The following GNG2 variants were observed in gnomAD, a reference collection of about 807,000 sequenced individuals.
The protein encoded by GNG2 is G protein subunit gamma 2, also known as guanine nucleotide-binding protein G(I)/G(S)/G(O) subunit gamma-2.
GNG2 carries 5 observed loss-of-function variants against 5.5 expected under a neutral mutation model. That is an observed-to-expected ratio of 0.91 (90% CI 0.48 to 1.92). The LOEUF (loss-of-function observed/expected upper bound fraction) is 1.92, where lower values mean the gene tolerates loss of function less well. Ranked by LOEUF, GNG2 falls within the 30% of genes most tolerant of loss-of-function variation. The probability of loss-of-function intolerance (pLI) is 0.01; values close to 1 mark genes in which losing one functional copy is unlikely to be tolerated. For synonymous variants in GNG2, 28 were observed against 32.0 expected, an observed-to-expected ratio of 0.88 and a Z score of 0.42; for missense variants, 55 against 88.4, an observed-to-expected ratio of 0.62 and a Z score of 1.52.
Position 51,965,404 on chromosome 14 carries a change from C to A in GNG2, c.88-1155C>A, listed in dbSNP as rs563775283. On this transcript the variant is annotated intron_variant, in intron 3 of 3. Coordinates refer to ENST00000556766, the MANE Select transcript of GNG2 (RefSeq NM_053064.5). Reference sequence around the variant, plus strand: ...TCCCCAGGTTGATCATTTACCTAGTCCCCAGATGTAGCTATAGATGACTTT... The same window carrying A: ...TCCCCAGGTTGATCATTTACCTAGTACCCAGATGTAGCTATAGATGACTTT... Among the ~76,000 whole-genome samples, 39 of 152,206 alleles carry A rather than the reference C, an allele frequency of 2.6e-4. No homozygotes were observed. The Middle Eastern group carries it at 0.014, about 53-fold the overall frequency.
At position 51,969,147 on chromosome 14, in the gene GNG2, T is replaced by C. The variant is rs1331870189; in HGVS notation, c.*2460T>C. Reference sequence around the variant, plus strand: ...ACCAGCATAATTTTATCTTAAGGAATAACTAATAGGAAAAGTCAGCTTAAT... The same window carrying C: ...ACCAGCATAATTTTATCTTAAGGAACAACTAATAGGAAAAGTCAGCTTAAT... On this transcript the variant is annotated 3_prime_UTR_variant, in exon 4 of 4. Coordinates refer to ENST00000556766, the MANE Select transcript of GNG2 (RefSeq NM_053064.5). 3.3e-5 allele frequency: 5 copies of C among 152,192 alleles called. No homozygotes were observed. Among genetic ancestry groups the C allele is most frequent in the Non-Finnish European group, 5.9e-5 (4 of 68,030 alleles). The allele number at this position is 152,192 out of a possible 1,614,324, so 9.4% of individuals were successfully genotyped here.
intron 2 of GNG2, among the ~76,000 whole-genome samples, chr14:51,902,752 G>A (rs184591322): frequency 7.9e-5 from 12 of 152,198 alleles, no homozygotes; most frequent in Admixed American, 5.2e-4. Context: ...AATTAGCCGG[G>A]CAGTGCACAA....
intron 2 of GNG2, among the ~76,000 whole-genome samples, chr14:51,830,981 C>T (rs1351780423): frequency 1.3e-5 from 2 of 152,168 alleles, no homozygotes; most frequent in African/African-American, 4.8e-5. Context: ...TTCTGTCCTG[C>T]CTCTCTCTCC....
At chr14:51,901,001 A>AT (rs1885513882) in intron 2 of GNG2, among the ~76,000 whole-genome samples, 1 of 152,220 alleles carries the variant, frequency 6.6e-6, no homozygotes, top group African/African-American at 2.4e-5. Context: ...CATCTAAAAT[A>AT]TTTGAGAATG....
chr14:51,869,375 A>G (rs1883151089), intron 1 of GNG2, among the ~76,000 whole-genome samples: 1 of 152,158 alleles, frequency 6.6e-6, no homozygotes, highest in Non-Finnish European at 1.5e-5. Flanking sequence ...AGCAACCTGG[A>G]TTCTTCCCTT....
chr14:51,886,777 G>T (rs953682331), intron 2 of GNG2, among the ~76,000 whole-genome samples: 1 of 152,110 alleles, frequency 6.6e-6, no homozygotes, highest in Non-Finnish European at 1.5e-5. Flanking sequence ...TATTCTGATC[G>T]CCTGCTCATG....
At chr14:51,894,091 T>G (rs1426607295) in intron 2 of GNG2, among the ~76,000 whole-genome samples, 1 of 152,118 alleles carries the variant, frequency 6.6e-6, no homozygotes, top group African/African-American at 2.4e-5. Context: ...CATATAAAAT[T>G]TAAACTCATT....
Position 51,880,697 on chromosome 14 carries a change from G to A in GNG2, c.-30+3040G>A, listed in dbSNP as rs541677215. 3.9e-5 allele frequency among the ~76,000 whole-genome samples: 6 copies of A among 152,218 alleles called. No individual in the cohort carries two copies. In the South Asian group the frequency reaches 1.0e-3, roughly 26 times the overall value. On this transcript the variant is annotated intron_variant, in intron 2 of 3. Coordinates refer to ENST00000556766, the MANE Select transcript of GNG2 (RefSeq NM_053064.5). The stretch of plus-strand genomic sequence containing the variant: ...AACTGCCCTTATTTGCCAAGACAGG[G>A]CTTTCCTGGGACATAAGACTATCGG...
intron 2 of GNG2, among the ~76,000 whole-genome samples, chr14:51,850,592 C>G (rs1881860703): frequency 2.0e-5 from 3 of 152,148 alleles, no homozygotes. Context: ...TTAGGCTGTT[C>G]TTGCATTGCT....
chr14:51,865,072 C>T (rs1475770350), intron 1 of GNG2, among the ~76,000 whole-genome samples: 1 of 152,100 alleles, frequency 6.6e-6, no homozygotes, highest in Non-Finnish European at 1.5e-5. Flanking sequence ...CTGAGCTTTA[C>T]GATGTGGGGT....
At chr14:51,862,999 T>TTTC (rs1555349308) in intron 1 of GNG2, among the ~76,000 whole-genome samples, 5 of 151,776 alleles carry the variant, frequency 3.3e-5, no homozygotes, top group African/African-American at 1.2e-4. Flanking sequence ...TTTTTTTTTT[T>TTTC]CTGCCATATG....
chr14:51,834,830 C>T lies in GNG2; in HGVS notation c.64+7023C>T, dbSNP rs1307466333. 2.0e-5 allele frequency among the ~76,000 whole-genome samples: 3 copies of T among 152,152 alleles called. No homozygotes were observed. The East Asian group carries it at 5.8e-4, about 29-fold the overall frequency. Reference sequence around the variant, plus strand: ...CTGGAAATAGATTTTCTTTTCCATTCCCTTCGGGGCATTCGATTTATTTGT... The same window carrying T: ...CTGGAAATAGATTTTCTTTTCCATTTCCTTCGGGGCATTCGATTTATTTGT... On this transcript the variant is annotated intron_variant, in intron 2 of 3. Coordinates refer to the GNG2 transcript ENST00000553432.
intron 2 of GNG2, among the ~76,000 whole-genome samples, chr14:51,834,959 G>A (rs1594828664): frequency 6.6e-6 from 1 of 152,198 alleles, no homozygotes; most frequent in Admixed American, 6.5e-5. Flanking sequence ...CAAAAATTCA[G>A]TGCTAAAAGA....
In GNG2 at chr14:51,950,779, AACCCCAC is replaced by A; in HGVS notation, c.87+17_87+23del. 1 of 1,524,980 alleles carries A rather than the reference AACCCCAC, an allele frequency of 6.6e-7. No homozygotes were observed. The highest frequency in any genetic ancestry group is 9.0e-7 in the Non-Finnish European group (1 of 1,116,902). The allele number at this position is 1,524,980 out of a possible 1,614,324, so 94.5% of individuals were successfully genotyped here. ...GACAGGATAAAGGTGAGGATGGTCT[AACCCCAC>A]ACTTCATCTAGCGTGAGTCTAAGGC... On this transcript the variant is annotated intron_variant, in intron 3 of 3. Coordinates refer to ENST00000556766, the MANE Select transcript of GNG2 (RefSeq NM_053064.5).
At chr14:51,876,829 A>G (rs1250038311) in intron 1 of GNG2, among the ~76,000 whole-genome samples, 1 of 152,150 alleles carries the variant, frequency 6.6e-6, no homozygotes, top group African/African-American at 2.4e-5. Flanking sequence ...ACCCTCATTC[A>G]TACTATTCTA....
At chr14:51,837,963 T>A (rs1436447831) in intron 2 of GNG2, among the ~76,000 whole-genome samples, 1 of 152,118 alleles carries the variant, frequency 6.6e-6, no homozygotes, top group Non-Finnish European at 1.5e-5. Flanking sequence ...TTGTAAAATA[T>A]CCTCGTCAGT....
intron 2 of GNG2, among the ~76,000 whole-genome samples, chr14:51,900,334 A>C (rs1885467162): frequency 6.6e-6 from 1 of 152,158 alleles, no homozygotes; most frequent in Non-Finnish European, 1.5e-5. Flanking sequence ...TAACAAGCAC[A>C]TGTAAAAGAT....
Position 51,968,730 on chromosome 14 carries a change from T to C in GNG2, c.*2043T>C, listed in dbSNP as rs542592207. Reference sequence around the variant, plus strand: ...ATAAGCTAAAACATATCACAGTTTTTACATGGGCCAAAACATGAATTGAGT... The same window carrying C: ...ATAAGCTAAAACATATCACAGTTTTCACATGGGCCAAAACATGAATTGAGT... On this transcript the variant is annotated 3_prime_UTR_variant, in exon 4 of 4. Transcript: ENST00000556766. 2.0e-5 allele frequency: 3 copies of C among 152,342 alleles called. No homozygotes were observed. The highest frequency in any genetic ancestry group is 2.1e-4 in the South Asian group (1 of 4,824). 9.4% of individuals were successfully genotyped at this position (152,342 alleles called of 1,614,324 possible). A position where few individuals can be genotyped will look rare whatever the true frequency, so the allele number is the denominator to read the frequency against.
intron 2 of GNG2, among the ~76,000 whole-genome samples, chr14:51,844,427 G>C (rs1277643603): frequency 2.6e-5 from 4 of 152,324 alleles, no homozygotes; most frequent in African/African-American, 9.6e-5. Context: ...ACAGTGAAGA[G>C]GAGGAGGAGT....
Sources: gnomAD v4.1 joint callset for allele counts (sites outside exome capture counted in the v4.1 genomes callset) on GRCh38, gnomAD v4.1.1 for gene constraint, MANE v1.5 for transcripts, NCBI Gene and HGNC (gene_info 2026-07-23, HGNC 2026-07-21) for gene names.